Variants in SYTL5 observed in about 807,000 individuals in gnomAD.
The protein encoded by SYTL5 is synaptotagmin like 5.
In SYTL5, 34 loss-of-function variants were observed where a neutral mutation model predicts 55.9. The observed-to-expected ratio is 0.61, with a 90% CI of 0.46 to 0.81. SYTL5 has a LOEUF of 0.81. SYTL5 is among the 30% of genes least tolerant of loss of function. The probability of loss-of-function intolerance (pLI) is 0.00; values close to 1 mark genes in which losing one functional copy is unlikely to be tolerated. For synonymous variants in SYTL5, 221 were observed against 188.7 expected, an observed-to-expected ratio of 1.17 and a Z score of -1.40; for missense variants, 637 against 546.7, an observed-to-expected ratio of 1.17 and a Z score of -1.65.
intron 1 of SYTL5, among the ~76,000 whole-genome samples, chrX:38,026,493 A>G (rs1346477117): frequency 9.0e-6 from 1 of 111,248 alleles, no homozygotes; most frequent in Non-Finnish European, 1.9e-5. Context: ...CCATAGAGTA[A>G]AGTGAAAACA....
At chrX:37,897,677 C>T in the SYTL5 span, among the ~76,000 whole-genome samples, 1 of 111,439 alleles carries the variant, frequency 9.0e-6, no homozygotes, top group Non-Finnish European at 1.9e-5. Context: ...GAGCTGAAGT[C>T]ACCTTACTGG....
the SYTL5 span, among the ~76,000 whole-genome samples, chrX:37,943,179 A>G: frequency 8.9e-6 from 1 of 112,404 alleles, no homozygotes; most frequent in African/African-American, 3.2e-5. Context: ...ACATTTGTTA[A>G]AGGGAAGACA....
the SYTL5 span, among the ~76,000 whole-genome samples, chrX:37,970,692 A>G: frequency 1.8e-5 from 2 of 111,800 alleles, no homozygotes; most frequent in African/African-American, 6.5e-5. Flanking sequence ...TTATTTTTCT[A>G]TTAACCATTC....
At chrX:37,962,400 G>A in the SYTL5 span, among the ~76,000 whole-genome samples, 1 of 111,442 alleles carries the variant, frequency 9.0e-6, no homozygotes, top group East Asian at 2.8e-4. Context: ...CAAAGGACAT[G>A]AACTCATCTT....
At chrX:38,123,283 G>GTATTTT (rs1240273131) in intron 15 of SYTL5, among the ~76,000 whole-genome samples, 9 of 111,573 alleles carry the variant, frequency 8.1e-5, no homozygotes, top group East Asian at 2.8e-4. Context: ...GGGATTACAG[G>GTATTTT]TATTTTTATT....
intron 1 of SYTL5, among the ~76,000 whole-genome samples, chrX:38,022,517 T>C (rs1275244024): frequency 1.8e-5 from 2 of 111,794 alleles, no homozygotes; most frequent in African/African-American, 3.2e-5. Flanking sequence ...CCTTGGCTTG[T>C]GGCTGTTCCT....
chrX:38,041,533 T>C lies in SYTL5; in HGVS notation c.119+7525T>C, dbSNP rs1005344164. 9.8e-5 allele frequency among the ~76,000 whole-genome samples: 11 copies of C among 112,314 alleles called. No homozygotes were observed. In the East Asian group the frequency reaches 2.8e-3, roughly 28 times the overall value. Reference sequence around the variant, plus strand: ...TTAACAGAAACTCCCAGCATGAACATACTGGCTCCCTAATGGAACTCAAAT... The same window carrying C: ...TTAACAGAAACTCCCAGCATGAACACACTGGCTCCCTAATGGAACTCAAAT... On this transcript the variant is annotated intron_variant, in intron 2 of 16. Coordinates refer to ENST00000297875, the MANE Select transcript of SYTL5 (RefSeq NM_138780.3).
chrX:38,081,231 T>A (rs1184915679), intron 6 of SYTL5, among the ~76,000 whole-genome samples: 1 of 111,330 alleles, frequency 9.0e-6, no homozygotes, highest in African/African-American at 3.3e-5. Context: ...GGGTGGGCAA[T>A]CAAAGCCACA....
In SYTL5 at chrX:38,102,537, A is replaced by G. The variant is rs1408227278; in HGVS notation, c.1155+103A>G. ...AATGTTCTTAGGAAAATGTGTGATA[A>G]TGAGTTAAAAGTCATTGTAAGATCC... On this transcript the variant is annotated intron_variant, in intron 10 of 16. Coordinates refer to ENST00000297875, the MANE Select transcript of SYTL5 (RefSeq NM_138780.3). 6 of 575,600 alleles carry G rather than the reference A, an allele frequency of 1.0e-5. No homozygotes were observed. The Admixed American group carries it at 1.6e-4, about 15-fold the overall frequency. The allele number at this position is 575,600 out of a possible 1,213,427, so 47.4% of individuals were successfully genotyped here.
At chrX:37,931,412 A>G in the SYTL5 span, among the ~76,000 whole-genome samples, 3 of 111,945 alleles carry the variant, frequency 2.7e-5, no homozygotes, top group Admixed American at 9.5e-5. Context: ...ATTTTCTAGC[A>G]TTAAGTTTTG....
At chrX:37,950,805 G>C in the SYTL5 span, among the ~76,000 whole-genome samples, 1 of 111,538 alleles carries the variant, frequency 9.0e-6, no homozygotes, top group Admixed American at 9.6e-5. Context: ...TTCAGGCTAT[G>C]AAAGTATAAA....
intron 6 of SYTL5, among the ~76,000 whole-genome samples, chrX:38,086,813 C>T (rs750401671): frequency 9.0e-6 from 1 of 111,542 alleles, no homozygotes; most frequent in East Asian, 2.8e-4. Context: ...TAGACTAAAC[C>T]TTTTTTGAGT....
chrX:37,970,489 A>T, the SYTL5 span, among the ~76,000 whole-genome samples: 7 of 110,421 alleles, frequency 6.3e-5, no homozygotes, highest in Non-Finnish European at 1.1e-4. Flanking sequence ...TTTTACCTTT[A>T]ATAAGAATAT....
intron 13 of SYTL5, among the ~76,000 whole-genome samples, chrX:38,114,754 C>G (rs1017449298): frequency 5.4e-5 from 6 of 110,966 alleles, no homozygotes; most frequent in Non-Finnish European, 1.1e-4. Context: ...CTATGGTCAC[C>G]ATGTTATAAA....
chrX:38,063,158 A>G (rs1936003120), intron 3 of SYTL5, among the ~76,000 whole-genome samples: 1 of 110,971 alleles, frequency 9.0e-6, no homozygotes, highest in African/African-American at 3.3e-5. Flanking sequence ...GCATCTGGTC[A>G]TCTTTGGCCT....
chrX:38,056,125 C>T (rs764163876), intron 3 of SYTL5, among the ~76,000 whole-genome samples: 14 of 111,933 alleles, frequency 1.3e-4, no homozygotes, highest in African/African-American at 4.5e-4. Context: ...ACTACCCTTC[C>T]CAGCCTCTGG....
the SYTL5 span, among the ~76,000 whole-genome samples, chrX:37,916,013 AG>A: frequency 9.0e-6 from 1 of 111,229 alleles, no homozygotes; most frequent in Non-Finnish European, 1.9e-5. Flanking sequence ...TAATAATAAT[AG>A]CTACCATTTA....
At chrX:38,104,573 A>G (rs1184434295) in intron 10 of SYTL5, among the ~76,000 whole-genome samples, 1 of 112,036 alleles carries the variant, frequency 8.9e-6, no homozygotes, top group African/African-American at 3.2e-5. Context: ...AGCTTAGAAG[A>G]CATGTGACCA....
chrX:38,025,984 G>A (rs1380226196), intron 1 of SYTL5, among the ~76,000 whole-genome samples: 1 of 112,354 alleles, frequency 8.9e-6, no homozygotes, highest in Non-Finnish European at 1.9e-5. Flanking sequence ...CACTCCTGAA[G>A]GGAGAGCTCT....
Sources: gnomAD v4.1 joint callset for allele counts (sites outside exome capture counted in the v4.1 genomes callset) on GRCh38, gnomAD v4.1.1 for gene constraint, MANE v1.5 for transcripts, NCBI Gene and HGNC (gene_info 2026-07-23, HGNC 2026-07-21) for gene names.